Variants in RABGAP1 observed in about 807,000 individuals in gnomAD.
RABGAP1 encodes rab GTPase-activating protein 1.
Under a neutral mutation model 137.6 loss-of-function variants are expected in RABGAP1, and 23 were observed. That is an observed-to-expected ratio of 0.17 (90% CI 0.12 to 0.24). The LOEUF (loss-of-function observed/expected upper bound fraction) is 0.24, where lower values mean the gene tolerates loss of function less well. Among genes scored for constraint, RABGAP1 ranks in the 10% least tolerant of loss-of-function variants. The probability of loss-of-function intolerance (pLI) is 1.00; values close to 1 mark genes in which losing one functional copy is unlikely to be tolerated. For missense variants in RABGAP1, 906 were observed against 1,275.8 expected, an observed-to-expected ratio of 0.71 and a Z score of 4.42; for synonymous variants, 451 against 450.7, an observed-to-expected ratio of 1.00 and a Z score of -0.01.
chr9:122,998,918 T>C (rs767483993), intron 10 of RABGAP1, 152 bp downstream of exon 10: 35 of 482,004 alleles, frequency 7.3e-5, no homozygotes, highest in Non-Finnish European at 1.1e-4. Context: ...ACCCACCTAC[T>C]TGTCATTTTT....
At chr9:122,976,095 C>T (rs1296868332) in intron 2 of RABGAP1, among the ~76,000 whole-genome samples, 1 of 152,120 alleles carries the variant, frequency 6.6e-6, no homozygotes, top group Non-Finnish European at 1.5e-5. Flanking sequence ...TTAGTACCAC[C>T]CTGCTATGTA....
intron 17 of RABGAP1, among the ~76,000 whole-genome samples, chr9:123,075,892 G>GAT (rs1252336120): frequency 6.6e-6 from 1 of 152,162 alleles, no homozygotes; most frequent in East Asian, 1.9e-4. Context: ...GCTGTGCATG[G>GAT]ATTGGGACAG....
chr9:123,078,792 C>T (rs2034604228), intron 19 of RABGAP1, among the ~76,000 whole-genome samples: 1 of 152,146 alleles, frequency 6.6e-6, no homozygotes, highest in African/African-American at 2.4e-5. Context: ...TGCTCGTCGT[C>T]AGAATATATC....
At chr9:123,005,891 C>T (rs2030214258) in intron 10 of RABGAP1, among the ~76,000 whole-genome samples, 1 of 152,204 alleles carries the variant, frequency 6.6e-6, no homozygotes, top group Admixed American at 6.5e-5. Flanking sequence ...ACCTGTTTCT[C>T]TGCAGGGTTG....
chr9:123,042,713 G>T (rs1283440329), intron 13 of RABGAP1, among the ~76,000 whole-genome samples: 2 of 152,154 alleles, frequency 1.3e-5, no homozygotes, highest in East Asian at 3.9e-4. Context: ...GAACCCAATA[G>T]CTGACTAACA....
At chr9:123,062,284 G>A (rs1303052310) in intron 13 of RABGAP1, 2 of 152,250 alleles carry the variant, frequency 1.3e-5, no homozygotes, top group South Asian at 2.1e-4. Flanking sequence ...AATATATATT[G>A]TTGTATAAAG....
intron 25 of RABGAP1, 147 bp from the exon 26 acceptor site, chr9:123,102,944 G>C: frequency 9.0e-7 from 1 of 1,113,776 alleles, no homozygotes; most frequent in Non-Finnish European, 1.2e-6. Context: ...AGGCATTTCA[G>C]GCATTTCTAT....
chr9:123,057,113 C>G (rs1206160434), intron 13 of RABGAP1, among the ~76,000 whole-genome samples: 4 of 149,152 alleles, frequency 2.7e-5, no homozygotes, highest in Admixed American at 2.7e-4. Context: ...GGCTGACCCC[C>G]CCACCTCCCT....
rs532160631 is a variant in RABGAP1, at chr9:123,081,614, T to C, written c.2424+4852T>C. 1.2e-4 allele frequency among the ~76,000 whole-genome samples: 18 copies of C among 152,226 alleles called. 1 individual carries two copies. In the East Asian group the frequency reaches 3.3e-3, roughly 28 times the overall value. On this transcript the variant is annotated intron_variant, in intron 19 of 25. Transcript: ENST00000373647. ...ACCATTTCCTGGCTAATTTTTTTTT[T>C]TTATTTTGTGTAGAGACAAGGTCTC...
chr9:123,052,927 G>A (rs1000210573), intron 13 of RABGAP1, among the ~76,000 whole-genome samples: 1 of 152,138 alleles, frequency 6.6e-6, no homozygotes, highest in Non-Finnish European at 1.5e-5. Context: ...GCAACAGAGT[G>A]TGACTGTGTC....
intron 6 of RABGAP1, among the ~76,000 whole-genome samples, chr9:122,993,267 AATTATT>A (rs904469105): frequency 1.9e-4 from 29 of 151,956 alleles, no homozygotes; most frequent in Non-Finnish European, 3.4e-4. Flanking sequence ...ATAATTTTTA[AATTATT>A]ATTATTATTA....
chr9:122,960,493 A>G (rs1035093520), intron 2 of RABGAP1, among the ~76,000 whole-genome samples: 2 of 152,190 alleles, frequency 1.3e-5, no homozygotes, highest in Non-Finnish European at 2.9e-5. Flanking sequence ...GAATCTACAA[A>G]AATCAACTAG....
rs59639446 is a variant in RABGAP1, at chr9:123,047,919, G to GTTTTTTTTT, written c.1795-17401_1795-17393dup. On this transcript the variant is annotated intron_variant, in intron 13 of 25. Coordinates refer to ENST00000373647, the MANE Select transcript of RABGAP1 (RefSeq NM_012197.4). ...TATCTAGCCATTTTACAGCTGCTGGGTTTTTTTTTTTTTTTTTTTTTTTTT... is the reference window on the plus strand; with the variant it reads ...TATCTAGCCATTTTACAGCTGCTGGGTTTTTTTTTTTTTTTTTTTTTTTTTTTTTTTTTT... Among the ~76,000 whole-genome samples the GTTTTTTTTT allele has an allele frequency of 3.9e-4, 24 of 62,282 alleles. 6 individuals carry two copies. The highest frequency in any genetic ancestry group is 7.8e-4 in the Non-Finnish European group (22 of 28,026). 40.9% of individuals were successfully genotyped at this position (62,282 alleles called of 152,430 possible).
intron 13 of RABGAP1, among the ~76,000 whole-genome samples, chr9:123,047,647 A>G (rs1276460079): frequency 2.0e-5 from 3 of 152,116 alleles, no homozygotes; most frequent in Admixed American, 6.5e-5. Flanking sequence ...AATCTTCAAT[A>G]TGATTTTTCT....
Position 123,070,695 on chromosome 9 carries a change from C to A in RABGAP1, c.1983+271C>A, listed in dbSNP as rs1179790931. ...TGGAGAGACTTTAATGTTGGTTGAA[C>A]TCTTGGGGACGTTTTATCTTCTCTA... On this transcript the variant is annotated intron_variant, in intron 15 of 25. Transcript: ENST00000373647. This position sits in a 1 kb window ranked among gnomAD's most constrained non-coding sequence, Gnocchi z 4.4. Among the ~76,000 whole-genome samples the A allele has an allele frequency of 6.6e-6, 1 of 152,114 alleles. No homozygotes were observed.
intron 2 of RABGAP1, among the ~76,000 whole-genome samples, chr9:122,969,211 CT>C (rs34443689): frequency 0.63 from 95,487 of 152,070 alleles, 36,845 homozygotes; most frequent in Non-Finnish European, 0.86. Context: ...TAGTAACATG[CT>C]ATACAGGTTT....
At chr9:123,026,153 G>T (rs1286720842) in intron 13 of RABGAP1, among the ~76,000 whole-genome samples, 1 of 151,872 alleles carries the variant, frequency 6.6e-6, no homozygotes, top group Middle Eastern at 3.2e-3. Flanking sequence ...GCAAAATCCT[G>T]TCTCTACTAA....
At chr9:123,028,249 A>G (rs1438475779) in intron 13 of RABGAP1, among the ~76,000 whole-genome samples, 1 of 152,222 alleles carries the variant, frequency 6.6e-6, no homozygotes, top group Non-Finnish European at 1.5e-5. Flanking sequence ...TGTTTATTCA[A>G]TAAAAAATAC....
chr9:123,010,228 T>C (rs2030677408), intron 10 of RABGAP1, 126 bp from the exon 11 acceptor site: 1 of 791,390 alleles, frequency 1.3e-6, no homozygotes, highest in Admixed American at 3.1e-5. Context: ...TTTCACATCC[T>C]GTATGAAATC....
Sources: allele counts gnomAD v4.1 joint callset (sites outside exome capture counted in the v4.1 genomes callset), GRCh38; gene constraint gnomAD v4.1.1; non-coding constraint Gnocchi (gnomAD v3.1); transcripts MANE v1.5; gene names NCBI Gene and HGNC (gene_info 2026-07-23, HGNC 2026-07-21).